The following NCOA3 variants were observed in gnomAD, a reference collection of about 807,000 sequenced individuals.
The protein encoded by NCOA3 is nuclear receptor coactivator 3, also known as CBP-interacting protein.
A neutral mutation model predicts 158.8 loss-of-function variants in NCOA3; 51 were observed. That is an observed-to-expected ratio of 0.32 (90% CI 0.26 to 0.41). The LOEUF is 0.41. NCOA3 is among the 10% of genes least tolerant of loss of function. The probability of loss-of-function intolerance (pLI) is 1.00; values close to 1 mark genes in which losing one functional copy is unlikely to be tolerated. For missense variants in NCOA3, 1,510 were observed against 1,746.6 expected, an observed-to-expected ratio of 0.86 and a Z score of 2.41; for synonymous variants, 537 against 592.4, an observed-to-expected ratio of 0.91 and a Z score of 1.36.
At chr20:47,583,055 A>T in intron 1 of NCOA3, 128 bp from the exon 2 acceptor site, 1 of 390,862 alleles carries the variant, frequency 2.6e-6, no homozygotes, top group Non-Finnish European at 4.5e-6. Flanking sequence ...TTGCCTCCCA[A>T]AGTGCTGGGA....
At chr20:47,511,556 T>TATACACACACACATACACATATA (rs1569310943) in intron 1 of NCOA3, among the ~76,000 whole-genome samples, 1 of 30,196 alleles carries the variant, frequency 3.3e-5, no homozygotes, top group African/African-American at 6.5e-5. Flanking sequence ...TATATATATA[T>TATACACACACACATACACATATA]TTCTTTTTTT....
At position 47,643,137 on chromosome 20, in the gene NCOA3, CTT is replaced by C. The variant is rs2086637318; in HGVS notation, c.3252+754_3252+755del. Among the ~76,000 whole-genome samples the C allele has an allele frequency of 2.6e-5, 4 of 152,362 alleles. 1 individual carries two copies. The highest frequency in any genetic ancestry group is 9.6e-5 in the African/African-American group (4 of 41,590). On this transcript the variant is annotated intron_variant, in intron 17 of 22. Coordinates refer to ENST00000371998, the MANE Select transcript of NCOA3 (RefSeq NM_181659.3). ...CCATGTTGGCCAGGCTGGTCTCAAA[CTT>C]CTGACCTCAAGTGATCCACTCGCCT...
intron 2 of NCOA3, among the ~76,000 whole-genome samples, chr20:47,605,030 GCC>G: frequency 6.6e-6 from 1 of 152,020 alleles, no homozygotes; most frequent in Non-Finnish European, 1.5e-5. Flanking sequence ...ACTACCCCCG[GCC>G]AATCTTTGTA....
intron 1 of NCOA3, among the ~76,000 whole-genome samples, chr20:47,548,012 T>C (rs1028839419): frequency 1.2e-4 from 18 of 152,052 alleles, no homozygotes; most frequent in African/African-American, 4.1e-4. Flanking sequence ...ATTATAGGTG[T>C]GAGCCACCAT....
intron 1 of NCOA3, among the ~76,000 whole-genome samples, chr20:47,563,215 G>T (rs535317230): frequency 6.6e-6 from 1 of 152,136 alleles, no homozygotes; most frequent in Non-Finnish European, 1.5e-5. Flanking sequence ...TTAACATTTT[G>T]TAGAGCTTAA....
intron 1 of NCOA3, among the ~76,000 whole-genome samples, chr20:47,523,026 T>A (rs2084371048): frequency 6.6e-6 from 1 of 151,832 alleles, no homozygotes; most frequent in African/African-American, 2.4e-5. Context: ...CCGTCTCTAC[T>A]AAAAATACAA....
intron 2 of NCOA3, among the ~76,000 whole-genome samples, chr20:47,620,527 T>TC (rs1303245706): frequency 3.9e-5 from 6 of 152,044 alleles, no homozygotes; most frequent in African/African-American, 9.7e-5. Context: ...TACGTTTATC[T>TC]CCCCCCCGGG....
rs1161930921 is a variant in NCOA3 at position 47,571,450 on chromosome 20, T to C, written c.-98-11733T>C. 3.9e-5 allele frequency among the ~76,000 whole-genome samples: 6 copies of C among 152,020 alleles called. No homozygotes were observed. The East Asian group carries it at 1.2e-3, about 29-fold the overall frequency. On this transcript the variant is annotated intron_variant, in intron 1 of 22. Coordinates refer to ENST00000371998, the MANE Select transcript of NCOA3 (RefSeq NM_181659.3). ...CTTGTGCTTCAGCCTCCAGAGTAGC[T>C]GGGACTACTGGCACACACCACCACA...
intron 1 of NCOA3, among the ~76,000 whole-genome samples, chr20:47,505,003 G>GTCTTTTTT (rs2084004453): frequency 3.5e-5 from 1 of 28,550 alleles, no homozygotes; most frequent in Non-Finnish European, 5.4e-5. Flanking sequence ...TGGGTTTTTG[G>GTCTTTTTT]TTTTTTTTTT....
In NCOA3 at chr20:47,647,163, T is replaced by C. The variant is rs200182998; in HGVS notation, c.3343T>C (p.Tyr1115His). 3.1e-6 allele frequency: 5 copies of C among 1,614,136 alleles called. No homozygotes were observed. The highest frequency in any genetic ancestry group is 2.7e-5 in the African/African-American group (2 of 75,028). The part of the protein sequence containing the change: ...DQKAGLYGQT[Y>H]PAQGPPMQGG... ...GAAGGCAGGATTATATGGACAGACA[T>C]ACCCAGCACAGGGGCCTCCAATGCA... Residue 1115 changes from tyrosine to histidine, a missense_variant, in exon 18 of 23, where the codon TAC becomes CAC. Transcript: ENST00000371998.
Position 47,637,635 on chromosome 20 carries a change from A to C in NCOA3, c.2377-13A>C, listed in dbSNP as rs745563080. 5 of 1,590,576 alleles carry C rather than the reference A, an allele frequency of 3.1e-6. No individual in the cohort carries two copies. In the African/African-American group the frequency reaches 6.8e-5, roughly 22 times the overall value. ...TAATGTATACAGGTTAATTTTTAAA[A>C]CTTTATTTTCAGGGATCTGGAGACT... On this transcript the variant is annotated splice_polypyrimidine_tract_variant and intron_variant, in intron 12 of 22. Coordinates refer to ENST00000371998, the MANE Select transcript of NCOA3 (RefSeq NM_181659.3).
chr20:47,540,284 A>G (rs1184586394), intron 1 of NCOA3, among the ~76,000 whole-genome samples: 2 of 152,140 alleles, frequency 1.3e-5, no homozygotes, highest in African/African-American at 4.8e-5. Flanking sequence ...TTAAAATCAA[A>G]TATCTTGGCT....
At position 47,639,674 on chromosome 20, in the gene NCOA3, A is replaced by T; in HGVS notation, c.2805A>T (p.Ser935=). The T allele has an allele frequency of 6.2e-7, 1 of 1,614,130 alleles. No homozygotes were observed. The highest frequency in any genetic ancestry group is 2.2e-5 in the East Asian group (1 of 44,886). The change falls in exon 15 of 23, where the codon TCA becomes TCT. Residue 935 remains serine (S), a synonymous_variant. Transcript: ENST00000371998. The stretch of plus-strand genomic sequence containing the variant: ...CCGGCAGAATGGAACCTATGAATTC[A>T]AACTCCATGGGAAGACCAGGAGGAG... The part of the protein sequence containing the change: ...SKAGRMEPMN[S]NSMGRPGGDY...
chr20:47,553,297 A>G (rs2084950686), intron 1 of NCOA3, among the ~76,000 whole-genome samples: 1 of 152,072 alleles, frequency 6.6e-6, no homozygotes, highest in African/African-American at 2.4e-5. Flanking sequence ...AGGGAATTGG[A>G]TGAATTGGTT....
At chr20:47,508,050 T>A (rs2065448) in intron 1 of NCOA3, among the ~76,000 whole-genome samples, 129,057 of 151,486 alleles carry the variant, frequency 0.85, 55,794 homozygotes, top group Non-Finnish European at 0.91. Flanking sequence ...TTGTATTGTT[T>A]AAAAAAAAGG....
chr20:47,600,996 T>C (rs2085852663), intron 2 of NCOA3, among the ~76,000 whole-genome samples: 1 of 152,162 alleles, frequency 6.6e-6, no homozygotes, highest in African/African-American at 2.4e-5. Context: ...AAAGAATGTC[T>C]TAGTCTGCTT....
chr20:47,616,544 T>TAATACTTAATACATTA (rs2086142832), intron 2 of NCOA3, among the ~76,000 whole-genome samples: 1 of 152,202 alleles, frequency 6.6e-6, no homozygotes, highest in African/African-American at 2.4e-5. Context: ...TACATTTAAG[T>TAATACTTAATACATTA]AGTGTAGCAT....
At chr20:47,619,766 T>A (rs1602495754) in intron 2 of NCOA3, among the ~76,000 whole-genome samples, 2 of 152,242 alleles carry the variant, frequency 1.3e-5, no homozygotes, top group East Asian at 3.9e-4. Context: ...TTATTCTATT[T>A]TTGTACTTAA....
chr20:47,647,914 GTTTTGTT>G (rs2086716951), intron 18 of NCOA3, among the ~76,000 whole-genome samples: 22 of 126,058 alleles, frequency 1.7e-4, no homozygotes, highest in African/African-American at 5.3e-4. Context: ...TGTTTGTTTT[GTTTTGTT>G]TTTTTTTTTT....
Sources: allele counts gnomAD v4.1 joint callset (sites outside exome capture counted in the v4.1 genomes callset), GRCh38; gene constraint gnomAD v4.1.1; transcripts MANE v1.5; gene names NCBI Gene and HGNC (gene_info 2026-07-23, HGNC 2026-07-21).